Variants in AGBL1 observed in about 807,000 individuals in gnomAD.
AGBL1 encodes the protein AGBL carboxypeptidase 1, also known as cytosolic carboxypeptidase 4.
A neutral mutation model predicts 118.9 loss-of-function variants in AGBL1; 130 were observed. The observed-to-expected ratio is 1.09, with a 90% CI of 0.95 to 1.26. The LOEUF (loss-of-function observed/expected upper bound fraction) is 1.26. Among genes scored for constraint, AGBL1 ranks in the 50% most tolerant of loss-of-function variants. AGBL1 has a pLI of 0.00. For synonymous variants in AGBL1, 555 were observed against 478.9 expected (o/e 1.16, Z -2.08); for missense variants, 1,584 against 1,298.1 (o/e 1.22, Z -3.38).
rs1897264884 is a variant in AGBL1 at position 86,109,972 on chromosome 15, C to G, written c.51+29949C>G. The stretch of plus-strand genomic sequence containing the variant: ...AAACCCAAGCTAAATAGATCCTCAA[C>G]TCAACTCCAAAGCCACCCGAACAGG... On this transcript the variant is annotated intron_variant, in intron 1 of 22. Transcript: ENST00000614907. 3 of 152,234 alleles carry G rather than the reference C, an allele frequency of 2.0e-5. No homozygotes were observed. The South Asian group carries it at 6.2e-4, about 32-fold the overall frequency. The allele number at this position is 152,234 out of a possible 1,614,324, so 9.4% of individuals were successfully genotyped here.
Position 86,315,643 on chromosome 15 carries a change from G to A in AGBL1, c.2374+20235G>A, listed in dbSNP as rs138235299. On this transcript the variant is annotated intron_variant, in intron 17 of 22. Coordinates refer to ENST00000614907, the MANE Select transcript of AGBL1 (RefSeq NM_001386094.1). ...TGAGGCAGAAGAATTACTTGAACCCGAGAGGCAGAGGTTGCAGTGAGCTGA... is the reference window on the plus strand; with the variant it reads ...TGAGGCAGAAGAATTACTTGAACCCAAGAGGCAGAGGTTGCAGTGAGCTGA... Among the ~76,000 whole-genome samples, 989 of 150,018 alleles carry A rather than the reference G, an allele frequency of 6.6e-3. 81 individuals carry two copies. The East Asian group carries it at 0.16, about 24-fold the overall frequency.
intron 22 of AGBL1, among the ~76,000 whole-genome samples, chr15:86,706,301 G>A (rs536523084): frequency 1.3e-5 from 2 of 152,020 alleles, no homozygotes; most frequent in East Asian, 3.9e-4. Context: ...TTTACAAAAT[G>A]ATATAAGATT....
chr15:86,221,085 C>G (rs1429028456), intron 5 of AGBL1, among the ~76,000 whole-genome samples: 3 of 152,062 alleles, frequency 2.0e-5, no homozygotes, highest in African/African-American at 7.2e-5. Flanking sequence ...GTAATCCCAG[C>G]TACCTGGGAG....
chr15:86,942,082 G>T (rs1449168788), intron 23 of AGBL1, among the ~76,000 whole-genome samples: 2 of 152,214 alleles, frequency 1.3e-5, no homozygotes, highest in African/African-American at 2.4e-5. Flanking sequence ...GATCCAGAGA[G>T]TTGAGAACTA....
At chr15:86,725,803 A>C (rs755456994) in intron 22 of AGBL1, among the ~76,000 whole-genome samples, 4 of 152,190 alleles carry the variant, frequency 2.6e-5, no homozygotes, top group Non-Finnish European at 4.4e-5. Context: ...GGATGAATCA[A>C]CCCTAAGTAC....
At chr15:87,029,055 G>A, downstream of AGBL1, 1 of 510,230 alleles carries the variant, frequency 2.0e-6, no homozygotes. Context: ...CACCTATTTG[G>A]TTCATAGTTC....
At chr15:86,494,463 C>T (rs1234742318) in intron 18 of AGBL1, among the ~76,000 whole-genome samples, 1 of 152,008 alleles carries the variant, frequency 6.6e-6, no homozygotes, top group Non-Finnish European at 1.5e-5. Flanking sequence ...CCCTCACTGG[C>T]TCTTCCCATG....
At chr15:86,588,320 A>G (rs768354178) in intron 21 of AGBL1, among the ~76,000 whole-genome samples, 3 of 152,134 alleles carry the variant, frequency 2.0e-5, no homozygotes, top group Non-Finnish European at 4.4e-5. Flanking sequence ...ACCCTCTTAC[A>G]CAGTTGATCT....
intron 6 of AGBL1, among the ~76,000 whole-genome samples, chr15:86,244,185 G>C (rs1352912494): frequency 6.6e-6 from 1 of 152,076 alleles, no homozygotes; most frequent in Non-Finnish European, 1.5e-5. Flanking sequence ...GGAAAACGCT[G>C]TTTATGTAAA....
intron 23 of AGBL1, among the ~76,000 whole-genome samples, chr15:86,973,775 CAATGCATTTTACATTTCTG>C (rs2081134994): frequency 6.6e-6 from 1 of 151,248 alleles, no homozygotes; most frequent in African/African-American, 2.4e-5. Flanking sequence ...TGTCCTTCAG[CAATGCATTTTACATTTCTG>C]AATATATTTC....
intron 22 of AGBL1, among the ~76,000 whole-genome samples, chr15:86,881,303 G>A (rs184013370): frequency 2.6e-5 from 4 of 152,204 alleles, no homozygotes; most frequent in East Asian, 3.9e-4. Context: ...AAGAAACCTC[G>A]TGGAATGCTC....
chr15:86,954,453 T>C (rs1193941904), intron 23 of AGBL1, among the ~76,000 whole-genome samples: 5 of 152,186 alleles, frequency 3.3e-5, no homozygotes, highest in African/African-American at 4.8e-5. Context: ...ATATACACCA[T>C]GGAACACTGT....
intron 18 of AGBL1, among the ~76,000 whole-genome samples, chr15:86,491,246 A>G (rs1226292456): frequency 6.6e-6 from 1 of 152,154 alleles, no homozygotes; most frequent in Non-Finnish European, 1.5e-5. Context: ...TGGGGACCAT[A>G]GCATGACAGG....
intron 23 of AGBL1, among the ~76,000 whole-genome samples, chr15:86,962,247 C>T (rs764337988): frequency 1.2e-4 from 18 of 152,002 alleles, no homozygotes; most frequent in Non-Finnish European, 2.2e-4. Context: ...TGGGCAATTT[C>T]TAGATCCAGA....
At chr15:86,971,508 G>A (rs925030496) in intron 23 of AGBL1, among the ~76,000 whole-genome samples, 6 of 151,812 alleles carry the variant, frequency 4.0e-5, no homozygotes, top group Admixed American at 3.9e-4. Flanking sequence ...ATGGGGAGAG[G>A]GGATGTGCTT....
At chr15:87,009,991 A>G (rs542473573) in intron 24 of AGBL1, among the ~76,000 whole-genome samples, 1 of 152,294 alleles carries the variant, frequency 6.6e-6, no homozygotes, top group South Asian at 2.1e-4. Flanking sequence ...GGGACTGTGG[A>G]CTATTGAGTT....
At chr15:86,846,178 T>C (rs2079314298) in intron 22 of AGBL1, among the ~76,000 whole-genome samples, 1 of 152,242 alleles carries the variant, frequency 6.6e-6, no homozygotes, top group Admixed American at 6.5e-5. Flanking sequence ...GACTCTTCAG[T>C]ATTTCCTGTA....
chr15:86,563,548 G>T (rs1281681407), intron 21 of AGBL1, among the ~76,000 whole-genome samples: 1 of 110,766 alleles, frequency 9.0e-6, no homozygotes, highest in Non-Finnish European at 1.9e-5. Context: ...TTGCTGAGAA[G>T]TGCTTTACTT....
chr15:86,791,738 A>G (rs941223319), intron 22 of AGBL1, among the ~76,000 whole-genome samples: 1 of 149,318 alleles, frequency 6.7e-6, no homozygotes, highest in Non-Finnish European at 1.5e-5. Context: ...TTATATATAT[A>G]TATATATATA....
Sources: gnomAD v4.1 joint callset for allele counts (sites outside exome capture counted in the v4.1 genomes callset) on GRCh38, gnomAD v4.1.1 for gene constraint, MANE v1.5 for transcripts, NCBI Gene and HGNC (gene_info 2026-07-23, HGNC 2026-07-21) for gene names.